The following KLF12 variants were observed in gnomAD, a reference collection of about 807,000 sequenced individuals.
KLF12 encodes the protein KLF transcription factor 12.
KLF12 carries 9 observed loss-of-function variants against 37.8 expected under a neutral mutation model. The ratio of observed to expected loss-of-function variants is 0.24; its 90% CI spans 0.14 to 0.42. The LOEUF (loss-of-function observed/expected upper bound fraction) is 0.42. Among genes scored for constraint, KLF12 ranks in the 10% least tolerant of loss-of-function variants. The pLI is 1.00. For missense variants in KLF12, 411 were observed against 516.0 expected, an observed-to-expected ratio of 0.80 and a Z score of 1.97; for synonymous variants, 208 against 202.1, an observed-to-expected ratio of 1.03 and a Z score of -0.25.
At chr13:74,217,311 C>CTTT in the KLF12 span, among the ~76,000 whole-genome samples, 1 of 144,860 alleles carries the variant, frequency 6.9e-6, no homozygotes. Context: ...TAATAGATGA[C>CTTT]TTTTTTTTTT....
chr13:74,086,134 T>C (rs1480681227), intron 1 of KLF12, among the ~76,000 whole-genome samples: 2 of 151,924 alleles, frequency 1.3e-5, no homozygotes, highest in Non-Finnish European at 1.5e-5. Context: ...TTATTATTAT[T>C]ACACTTTAAG....
At chr13:74,012,412 T>C (rs1177507451) in intron 1 of KLF12, among the ~76,000 whole-genome samples, 3 of 152,208 alleles carry the variant, frequency 2.0e-5, no homozygotes, top group Non-Finnish European at 4.4e-5. Flanking sequence ...CTGAGTACAC[T>C]GTTTCATGTC....
At chr13:73,995,295 T>C (rs1377101529) in intron 1 of KLF12, among the ~76,000 whole-genome samples, 1 of 151,586 alleles carries the variant, frequency 6.6e-6, no homozygotes. Flanking sequence ...GGGCACTAAA[T>C]AATTAAGACC....
the KLF12 span, among the ~76,000 whole-genome samples, chr13:74,275,878 C>CTTTCTTTCT: frequency 7.6e-5 from 4 of 52,980 alleles, no homozygotes; most frequent in Middle Eastern, 8.3e-3. Flanking sequence ...ATCTTTCTTT[C>CTTTCTTTCT]TTCTTTCTTT....
intron 3 of KLF12, among the ~76,000 whole-genome samples, chr13:73,905,625 T>C (rs1333342180): frequency 6.6e-6 from 1 of 151,970 alleles, no homozygotes; most frequent in African/African-American, 2.4e-5. Flanking sequence ...TTGTACTGTA[T>C]TGTTCCCCTT....
At chr13:73,755,516 G>A (rs540582771) in intron 6 of KLF12, among the ~76,000 whole-genome samples, 8 of 152,138 alleles carry the variant, frequency 5.3e-5, no homozygotes, top group Non-Finnish European at 1.2e-4. Flanking sequence ...ACCCAATGCT[G>A]GGCATGTCAA....
chr13:74,099,032 T>C (rs1251812282), intron 1 of KLF12, among the ~76,000 whole-genome samples: 6 of 152,160 alleles, frequency 3.9e-5, no homozygotes, highest in Admixed American at 3.3e-4. Flanking sequence ...TACATCATTA[T>C]CATTGTATAA....
At chr13:73,789,137 A>G (rs1881516774) in intron 5 of KLF12, among the ~76,000 whole-genome samples, 1 of 152,184 alleles carries the variant, frequency 6.6e-6, no homozygotes, top group African/African-American at 2.4e-5. Flanking sequence ...ATCATATTGC[A>G]TAAATGGAAG....
Position 73,845,808 on chromosome 13 carries a change from G to C in KLF12, c.670+19C>G. 2 of 1,598,376 alleles carry C rather than the reference G, an allele frequency of 1.3e-6. No individual in the cohort carries two copies. Among genetic ancestry groups the C allele is most frequent in the Middle Eastern group, 3.4e-4 (2 of 5,962 alleles). On this transcript the variant is annotated intron_variant, in intron 4 of 7. Coordinates refer to ENST00000377669, the MANE Select transcript of KLF12 (RefSeq NM_007249.5). ...ACCTCTAGTGCTGAAATAAATCAAGGCTTGTTTATGTCTCTTACCTTTGCC... is the reference window on the plus strand; with the variant it reads ...ACCTCTAGTGCTGAAATAAATCAAGCCTTGTTTATGTCTCTTACCTTTGCC...
the KLF12 span, among the ~76,000 whole-genome samples, chr13:74,185,268 C>T: frequency 6.6e-6 from 1 of 152,174 alleles, no homozygotes; most frequent in Non-Finnish European, 1.5e-5. Flanking sequence ...AGGTCCTTCT[C>T]TCCTATCCCC....
At chr13:73,858,166 A>C (rs1259097877) in intron 3 of KLF12, among the ~76,000 whole-genome samples, 2 of 152,166 alleles carry the variant, frequency 1.3e-5, no homozygotes, top group Non-Finnish European at 2.9e-5. Context: ...TAGAAAGAAA[A>C]GTATTTTGAG....
intron 1 of KLF12, among the ~76,000 whole-genome samples, chr13:74,119,606 A>C (rs1316960048): frequency 6.6e-6 from 1 of 152,226 alleles, no homozygotes; most frequent in Non-Finnish European, 1.5e-5. Context: ...CAGACCTGAC[A>C]CAGCAGGAAG....
At position 73,911,098 on chromosome 13, in the gene KLF12, A is replaced by T. The variant is rs543239143; in HGVS notation, c.123+32883T>A. Among the ~76,000 whole-genome samples the T allele has an allele frequency of 2.8e-5, 4 of 144,798 alleles. No homozygotes were observed. The East Asian group carries it at 7.8e-4, about 28-fold the overall frequency. 95.0% of individuals were successfully genotyped at this position (144,798 alleles called of 152,430 possible). On this transcript the variant is annotated intron_variant, in intron 3 of 7. Transcript: ENST00000377669. ...CAACAAAAAACAGACTAAGAGATTT[A>T]TTATCAAATTTTTACCATGAAAAAA...
At chr13:74,143,620 T>C in the KLF12 span, among the ~76,000 whole-genome samples, 1 of 152,320 alleles carries the variant, frequency 6.6e-6, no homozygotes, top group African/African-American at 2.4e-5. Flanking sequence ...TCACAAGCAC[T>C]CCTGGTTCTC....
chr13:73,810,136 T>C (rs1882848991), intron 5 of KLF12, among the ~76,000 whole-genome samples: 1 of 151,832 alleles, frequency 6.6e-6, no homozygotes, highest in South Asian at 2.1e-4. Flanking sequence ...TCCTAGCTAC[T>C]AGGGAGGCTG....
At chr13:73,845,780 G>T in intron 4 of KLF12, 47 bp downstream of exon 4, 1 of 1,539,414 alleles carries the variant, frequency 6.5e-7, no homozygotes. Context: ...CAAAAATGAA[G>T]TCACCTCTAG....
intron 6 of KLF12, among the ~76,000 whole-genome samples, chr13:73,739,364 T>C (rs1393953711): frequency 4.6e-5 from 7 of 152,076 alleles, no homozygotes; most frequent in African/African-American, 9.7e-5. Context: ...CCTTAACAAA[T>C]GTTTTCTTAA....
At chr13:74,081,834 T>C (rs1593883928) in intron 1 of KLF12, among the ~76,000 whole-genome samples, 1 of 152,284 alleles carries the variant, frequency 6.6e-6, no homozygotes, top group East Asian at 1.9e-4. Flanking sequence ...TTATTAAAAC[T>C]ATCAATTTCA....
chr13:74,035,815 T>C (rs900756627), intron 1 of KLF12, among the ~76,000 whole-genome samples: 2 of 152,242 alleles, frequency 1.3e-5, no homozygotes, highest in East Asian at 3.8e-4. Context: ...AAAATTTTGA[T>C]TTCTAAGACT....
Sources: gnomAD v4.1 joint callset for allele counts (sites outside exome capture counted in the v4.1 genomes callset) on GRCh38, gnomAD v4.1.1 for gene constraint, MANE v1.5 for transcripts, NCBI Gene and HGNC (gene_info 2026-07-23, HGNC 2026-07-21) for gene names.